Variants in CNTNAP2 observed in about 807,000 individuals in gnomAD.
CNTNAP2 encodes the protein contactin associated protein 2, also known as contactin-associated protein-like 2.
CNTNAP2 carries 98 observed loss-of-function variants against 155.2 expected under a neutral mutation model. That is an observed-to-expected ratio of 0.63 (90% CI 0.54 to 0.75). CNTNAP2 has a LOEUF of 0.75. CNTNAP2 is among the 30% of genes least tolerant of loss of function. The probability of loss-of-function intolerance (pLI) is 0.00; values close to 1 mark genes in which losing one functional copy is unlikely to be tolerated. For missense variants in CNTNAP2, 1,727 were observed against 1,688.1 expected (o/e 1.02, Z -0.40); for synonymous variants, 651 against 631.2 (o/e 1.03, Z -0.47).
At chr7:147,242,127 A>G (rs1436681658) in intron 8 of CNTNAP2, among the ~76,000 whole-genome samples, 1 of 152,018 alleles carries the variant, frequency 6.6e-6, no homozygotes, top group Non-Finnish European at 1.5e-5. Context: ...TTACAATGCA[A>G]TCGACTTTAT....
chr7:147,836,901 G>T lies in CNTNAP2; in HGVS notation c.2099-66664G>T, dbSNP rs535687663. 1.2e-4 allele frequency among the ~76,000 whole-genome samples: 18 copies of T among 152,242 alleles called. No individual in the cohort carries two copies. The South Asian group carries it at 3.7e-3, about 32-fold the overall frequency. The stretch of plus-strand genomic sequence containing the variant: ...ATAATTTGAAAATTAACTTATTTTA[G>T]TAATGTCTTAATTTTTCTCCTCTGA... On this transcript the variant is annotated intron_variant, in intron 13 of 23. Coordinates refer to ENST00000361727, the MANE Select transcript of CNTNAP2 (RefSeq NM_014141.6).
At chr7:146,483,280 A>AT (rs1796994258) in intron 1 of CNTNAP2, among the ~76,000 whole-genome samples, 8 of 54,466 alleles carry the variant, frequency 1.5e-4, no homozygotes, top group Non-Finnish European at 1.4e-4. Flanking sequence ...CGTCTAAAAA[A>AT]AAATATATAT....
intron 22 of CNTNAP2, among the ~76,000 whole-genome samples, chr7:148,395,090 C>T (rs1418758862): frequency 2.0e-5 from 3 of 149,032 alleles, no homozygotes; most frequent in Admixed American, 6.7e-5. Context: ...TTCCCTTTTT[C>T]GTGTTTTTTA....
intron 1 of CNTNAP2, among the ~76,000 whole-genome samples, chr7:146,372,864 T>C (rs1340629695): frequency 6.6e-6 from 1 of 152,194 alleles, no homozygotes; most frequent in Admixed American, 6.5e-5. Context: ...TTTTCCCTCA[T>C]GTTTGTATAA....
At chr7:147,318,687 A>C (rs1466071843) in intron 9 of CNTNAP2, among the ~76,000 whole-genome samples, 1 of 151,998 alleles carries the variant, frequency 6.6e-6, no homozygotes, top group Non-Finnish European at 1.5e-5. Flanking sequence ...AAGGGGAGGG[A>C]GAGCAATAGG....
Position 146,228,890 on chromosome 7 carries a change from A to G in CNTNAP2, c.97+111917A>G, listed in dbSNP as rs1799337753. On this transcript the variant is annotated intron_variant, in intron 1 of 23. Coordinates refer to ENST00000361727, the MANE Select transcript of CNTNAP2 (RefSeq NM_014141.6). ...CAATTTCTCATCCACAAAGTTTATT[A>G]TAGGTTGTAAAAATGAACATGATCT... is the stretch of plus-strand genomic sequence containing the variant. 2.0e-5 allele frequency among the ~76,000 whole-genome samples: 3 copies of G among 152,148 alleles called. No individual in the cohort carries two copies. The South Asian group carries it at 6.2e-4, about 32-fold the overall frequency.
chr7:146,167,635 A>T (rs962983773), intron 1 of CNTNAP2, among the ~76,000 whole-genome samples: 2 of 152,348 alleles, frequency 1.3e-5, no homozygotes, highest in African/African-American at 4.8e-5. Context: ...CTTTTCAAAG[A>T]TACAAGGAAT....
At chr7:147,232,988 T>C (rs1212493945) in intron 8 of CNTNAP2, among the ~76,000 whole-genome samples, 2 of 152,202 alleles carry the variant, frequency 1.3e-5, no homozygotes, top group African/African-American at 4.8e-5. Flanking sequence ...TATGAACAAA[T>C]TGGACAAACT....
intron 1 of CNTNAP2, among the ~76,000 whole-genome samples, chr7:146,477,597 G>T (rs1483340461): frequency 1.4e-5 from 2 of 146,834 alleles, no homozygotes; most frequent in Non-Finnish European, 3.0e-5. Flanking sequence ...TCTATTCAAA[G>T]ATTCCAGTAA....
At chr7:148,305,478 A>T (rs749497301) in intron 21 of CNTNAP2, among the ~76,000 whole-genome samples, 7 of 152,134 alleles carry the variant, frequency 4.6e-5, no homozygotes, top group Admixed American at 6.6e-5. Context: ...CATCTGTATT[A>T]GTCTGTCTTC....
At chr7:147,997,338 G>C (rs1483544236) in intron 15 of CNTNAP2, among the ~76,000 whole-genome samples, 1 of 152,084 alleles carries the variant, frequency 6.6e-6, no homozygotes, top group Non-Finnish European at 1.5e-5. Flanking sequence ...TGGATGACCT[G>C]AGGTTGGGAG....
chr7:147,681,956 C>T (rs905118321), intron 13 of CNTNAP2, among the ~76,000 whole-genome samples: 5 of 151,734 alleles, frequency 3.3e-5, no homozygotes, highest in African/African-American at 1.2e-4. Flanking sequence ...GGTAAAAAGG[C>T]AGACTAGTGG....
intron 1 of CNTNAP2, among the ~76,000 whole-genome samples, chr7:146,451,994 T>C (rs13223404): frequency 0.43 from 64,362 of 150,906 alleles, 17,077 homozygotes; most frequent in African/African-American, 0.75. Flanking sequence ...CTGCAACCTC[T>C]GCCTCTCAGG....
In CNTNAP2 at chr7:147,347,447, T is replaced by TGC. The variant is rs1316624488; in HGVS notation, c.1498+47157_1498+47158insGC. ...ATATATATATATATATATGCATATA[T>TGC]ATATATATGCATATATATATATATA... On this transcript the variant is annotated intron_variant, in intron 9 of 23. Transcript: ENST00000361727. Among the ~76,000 whole-genome samples, 102 of 50,806 alleles carry TGC rather than the reference T, an allele frequency of 2.0e-3. 2 individuals are homozygous for TGC. The highest frequency in any genetic ancestry group is 6.3e-3 in the African/African-American group (99 of 15,778). The allele number at this position is 50,806 out of a possible 152,430, so 33.3% of individuals were successfully genotyped here.
intron 1 of CNTNAP2, among the ~76,000 whole-genome samples, chr7:146,552,156 A>T (rs10281246): frequency 0.3 from 45,834 of 151,890 alleles, 7,119 homozygotes; most frequent in East Asian, 0.51. Context: ...TTATATATTC[A>T]TTATAGCTTT....
intron 10 of CNTNAP2, among the ~76,000 whole-genome samples, chr7:147,428,657 C>T (rs570184409): frequency 1.3e-5 from 2 of 152,126 alleles, no homozygotes; most frequent in African/African-American, 2.4e-5. Flanking sequence ...GCTTTTGGAA[C>T]TTCCATTATT....
rs188063892 is a variant in CNTNAP2, at chr7:147,950,760, C to T, written c.2256-27102C>T. Among the ~76,000 whole-genome samples the T allele has an allele frequency of 5.3e-5, 8 of 152,328 alleles. No homozygotes were observed. In the South Asian group the frequency reaches 6.2e-4, roughly 12 times the overall value. On this transcript the variant is annotated intron_variant, in intron 14 of 23. Coordinates refer to ENST00000361727, the MANE Select transcript of CNTNAP2 (RefSeq NM_014141.6). ...ATACAAGAAGAGCACTTTGACCTTC[C>T]TTTTTCTTCCTAAAAGCAGGAGATA...
intron 12 of CNTNAP2, among the ~76,000 whole-genome samples, chr7:147,613,487 A>G (rs1392177866): frequency 6.6e-6 from 1 of 152,212 alleles, no homozygotes; most frequent in Non-Finnish European, 1.5e-5. Flanking sequence ...GAATTTTAAC[A>G]AAACCATATG....
At chr7:146,220,049 C>T (rs184701960) in intron 1 of CNTNAP2, among the ~76,000 whole-genome samples, 10 of 152,220 alleles carry the variant, frequency 6.6e-5, no homozygotes, top group Admixed American at 6.5e-4. Context: ...TCCAGTTCTC[C>T]TAATCCCCAA....
Sources: allele counts gnomAD v4.1 joint callset (sites outside exome capture counted in the v4.1 genomes callset), GRCh38; gene constraint gnomAD v4.1.1; transcripts MANE v1.5; gene names NCBI Gene and HGNC (gene_info 2026-07-23, HGNC 2026-07-21).